METTL15: variants seen among roughly 807,000 people sequenced by gnomAD.
METTL15 encodes methyltransferase 15, mitochondrial 12S rRNA N4-cytidine.
METTL15 carries 34 observed loss-of-function variants against 38.3 expected under a neutral mutation model. The ratio of observed to expected loss-of-function variants is 0.89; its 90% confidence interval spans 0.68 to 1.18. The LOEUF is 1.18. Among genes scored for constraint, METTL15 ranks in the 50% most tolerant of loss-of-function variants. The probability of loss-of-function intolerance (pLI) is 0.00; values close to 1 mark genes in which losing one functional copy is unlikely to be tolerated. For synonymous variants in METTL15, 162 were observed against 170.9 expected (o/e 0.95, Z 0.41); for missense variants, 438 against 498.4 (o/e 0.88, Z 1.15).
At position 28,412,826 on chromosome 11, in the gene METTL15, A is replaced by G. The variant is rs188390835; in HGVS notation, c.*359-11473A>G. On this transcript the variant is annotated intron_variant and NMD_transcript_variant, in intron 5 of 7. Transcript: ENST00000532947. ...GAACAAGTCTGGAGAGCTAAAGTAC[A>G]ACATGAGGACTCAAGTTAAAAAATT... Among the ~76,000 whole-genome samples, 339 of 152,140 alleles carry G rather than the reference A, an allele frequency of 2.2e-3. 4 individuals are homozygous for G. The highest frequency in any genetic ancestry group is 7.9e-3 in the African/African-American group (330 of 41,548).
intron 3 of METTL15, among the ~76,000 whole-genome samples, chr11:28,125,254 C>T (rs1852424871): frequency 6.6e-6 from 1 of 152,016 alleles, no homozygotes. Context: ...TTCAAGATTT[C>T]TTCAGAGTAG....
intron 4 of METTL15, among the ~76,000 whole-genome samples, chr11:28,282,049 G>A (rs894400588): frequency 6.6e-6 from 1 of 152,160 alleles, no homozygotes; most frequent in Non-Finnish European, 1.5e-5. Context: ...ATTTCTTGAA[G>A]GGAAGGAAGG....
intron 4 of METTL15, among the ~76,000 whole-genome samples, chr11:28,240,261 G>C (rs1854234605): frequency 6.6e-6 from 1 of 152,154 alleles, no homozygotes; most frequent in African/African-American, 2.4e-5. Context: ...GTAAAGATCA[G>C]CTATACTTTG....
chr11:28,241,157 G>A (rs1854276126), intron 4 of METTL15, among the ~76,000 whole-genome samples: 1 of 152,130 alleles, frequency 6.6e-6, no homozygotes, highest in African/African-American at 2.4e-5. Flanking sequence ...CACCATGGGA[G>A]TTAACTTCTA....
At chr11:28,322,457 G>A (rs576280351) in intron 6 of METTL15, among the ~76,000 whole-genome samples, 14 of 152,134 alleles carry the variant, frequency 9.2e-5, no homozygotes, top group African/African-American at 3.1e-4. Flanking sequence ...TTAAAACAGC[G>A]GTAAGCTAAG....
chr11:28,155,691 G>A (rs1440747733), intron 3 of METTL15, among the ~76,000 whole-genome samples: 1 of 152,134 alleles, frequency 6.6e-6, no homozygotes, highest in African/African-American at 2.4e-5. Flanking sequence ...GATAAAGACT[G>A]TGTGAGTTCA....
intron 5 of METTL15, among the ~76,000 whole-genome samples, chr11:28,376,897 T>C (rs1590351200): frequency 7.1e-6 from 1 of 140,630 alleles, no homozygotes; most frequent in South Asian, 2.4e-4. Flanking sequence ...TGTAAAGTAT[T>C]TTATTTCTCC....
At chr11:28,258,070 C>A (rs1855045008) in intron 4 of METTL15, among the ~76,000 whole-genome samples, 1 of 152,188 alleles carries the variant, frequency 6.6e-6, no homozygotes, top group African/African-American at 2.4e-5. Flanking sequence ...AAGTTGTGAT[C>A]TAAGCTATAT....
intron 3 of METTL15, among the ~76,000 whole-genome samples, chr11:28,176,138 T>G (rs1434766098): frequency 6.6e-6 from 1 of 151,954 alleles, no homozygotes; most frequent in Non-Finnish European, 1.5e-5. Flanking sequence ...ATTAAAAATT[T>G]GTATTTTTGT....
chr11:28,113,208 C>T lies in METTL15; in HGVS notation c.-17-110C>T, dbSNP rs1590733977. ...TGTTTAAGATGTTAGGATCATGAGT[C>T]TTAACTTTTTTTTGATGTGCTAAAT... On this transcript the variant is annotated intron_variant, in intron 2 of 6. Coordinates refer to ENST00000407364, the MANE Select transcript of METTL15 (RefSeq NM_001113528.2). 7 of 721,380 alleles carry T rather than the reference C, an allele frequency of 9.7e-6. No homozygotes were observed. In the East Asian group the frequency reaches 1.9e-4, roughly 20 times the overall value. The allele number at this position is 721,380 out of a possible 1,614,324, so 44.7% of individuals were successfully genotyped here. A position where few individuals can be genotyped will look rare whatever the true frequency, so the allele number is the denominator to read the frequency against.
intron 6 of METTL15, among the ~76,000 whole-genome samples, chr11:28,460,038 T>C (rs894653267): frequency 6.6e-6 from 1 of 152,120 alleles, no homozygotes; most frequent in Non-Finnish European, 1.5e-5. Flanking sequence ...ATAGCAAATT[T>C]ATTTTCCCAT....
intron 6 of METTL15, among the ~76,000 whole-genome samples, chr11:28,509,461 C>T (rs1005706948): frequency 2.7e-5 from 4 of 150,616 alleles, no homozygotes; most frequent in African/African-American, 4.9e-5. Context: ...GCTTTCCTCT[C>T]GTTGCACTAA....
chr11:28,450,956 C>T (rs1837294556), intron 6 of METTL15, among the ~76,000 whole-genome samples: 1 of 152,052 alleles, frequency 6.6e-6, no homozygotes, highest in African/African-American at 2.4e-5. Context: ...AGATTAAAAA[C>T]CATGGCTCAA....
intron 6 of METTL15, among the ~76,000 whole-genome samples, chr11:28,310,598 A>G (rs1011528919): frequency 6.6e-6 from 1 of 151,964 alleles, no homozygotes. Context: ...TAATTACATC[A>G]TTTACTTGCT....
chr11:28,238,570 G>A (rs1854134784), intron 4 of METTL15, among the ~76,000 whole-genome samples: 1 of 152,192 alleles, frequency 6.6e-6, no homozygotes, highest in Admixed American at 6.5e-5. Context: ...GAGTGAGGCA[G>A]TGCCTCGCCC....
At position 28,271,785 on chromosome 11, in the gene METTL15, C is replaced by G. The variant is rs896773689; in HGVS notation, c.408-18421C>G. On this transcript the variant is annotated intron_variant, in intron 4 of 6. Transcript: ENST00000407364. ...AACTATCATCAGAGTGAACAGGCAACCTACAGAATGAAAGAAAATTTTTGC... is the reference window on the plus strand; with the variant it reads ...AACTATCATCAGAGTGAACAGGCAAGCTACAGAATGAAAGAAAATTTTTGC... 5.3e-5 allele frequency among the ~76,000 whole-genome samples: 8 copies of G among 152,174 alleles called. No individual in the cohort carries two copies. In the East Asian group the frequency reaches 1.2e-3, roughly 22 times the overall value.
At chr11:28,328,160 C>T (rs1243316467) in intron 6 of METTL15, 20 of 1,610,202 alleles carry the variant, frequency 1.2e-5, no homozygotes, top group Non-Finnish European at 1.6e-5. Context: ...AATTGAATAG[C>T]AAATGGTAAG....
intron 3 of METTL15, among the ~76,000 whole-genome samples, chr11:28,196,552 C>T (rs758891183): frequency 1.2e-4 from 18 of 151,944 alleles, no homozygotes; most frequent in Non-Finnish European, 1.8e-4. Context: ...GATTTTGTAA[C>T]GTGAGACTTT....
intron 6 of METTL15, among the ~76,000 whole-genome samples, chr11:28,507,007 A>G (rs1564951009): frequency 6.6e-6 from 1 of 151,980 alleles, no homozygotes; most frequent in African/African-American, 2.4e-5. Context: ...AGCCTCCCAA[A>G]GTGCTGGAAT....
Sources: allele counts gnomAD v4.1 joint callset (sites outside exome capture counted in the v4.1 genomes callset), GRCh38; gene constraint gnomAD v4.1.1; transcripts MANE v1.5; gene names NCBI Gene and HGNC (gene_info 2026-07-23, HGNC 2026-07-21).